DGKZ: variants seen among roughly 807,000 people sequenced by gnomAD.
The protein encoded by DGKZ is DAG kinase zeta.
Under a neutral mutation model 142.5 loss-of-function variants are expected in DGKZ, and 45 were observed. The observed-to-expected ratio is 0.32, with a 90% confidence interval of 0.25 to 0.40. DGKZ has a LOEUF of 0.40. Among genes scored for constraint, DGKZ ranks in the 10% least tolerant of loss-of-function variants. DGKZ has a pLI of 1.00. For synonymous variants in DGKZ, 442 were observed against 527.0 expected (o/e 0.84, Z 2.21); for missense variants, 755 against 1,306.5 (o/e 0.58, Z 6.51).
At position 46,367,895 on chromosome 11, in the gene DGKZ, C is replaced by T. The variant is rs752993449; in HGVS notation, c.367-107C>T. ...GGGTGCAGGGGCTTTGTCCGGATGC[C>T]AGGACTGGGGCTTCCCAGTGCACAC... On this transcript the variant is annotated intron_variant, in intron 3 of 30. Coordinates refer to ENST00000527911, the Ensembl canonical transcript of DGKZ. The surrounding 1 kb of genome is among the most constrained non-coding windows in gnomAD (Gnocchi z 4.1). 2 of 1,522,590 alleles carry T rather than the reference C, an allele frequency of 1.3e-6. No homozygotes were observed. Among genetic ancestry groups the T allele is most frequent in the South Asian group, 1.1e-5 (1 of 88,824 alleles). 94.3% of individuals were successfully genotyped at this position (1,522,590 alleles called of 1,614,324 possible).
chr11:46,352,731 G>T (rs868386679), intron 1 of DGKZ, among the ~76,000 whole-genome samples: 1 of 152,208 alleles, frequency 6.6e-6, no homozygotes, highest in African/African-American at 2.4e-5. Context: ...CCACACCTGC[G>T]GCCAGGTTCT....
At chr11:46,346,858 T>C (rs1256922083), upstream of DGKZ, among the ~76,000 whole-genome samples, 1 of 152,182 alleles carries the variant, frequency 6.6e-6, no homozygotes, top group African/African-American at 2.4e-5. Context: ...AGGATGACTT[T>C]GTAGGAGAAA....
At chr11:46,357,329 A>C (rs1490247707) in intron 1 of DGKZ, among the ~76,000 whole-genome samples, 2 of 152,090 alleles carry the variant, frequency 1.3e-5, no homozygotes, top group Admixed American at 6.6e-5. Flanking sequence ...TTTCATGAGA[A>C]AGCCATGGAG....
upstream of DGKZ, among the ~76,000 whole-genome samples, chr11:46,344,850 A>G (rs1414312263): frequency 6.6e-6 from 1 of 152,110 alleles, no homozygotes; most frequent in Non-Finnish European, 1.5e-5. Flanking sequence ...CCTTGTCCCA[A>G]AAGTTATTTA....
intron 30 of DGKZ, 125 bp downstream of exon 30, chr11:46,379,693 C>A: frequency 7.9e-7 from 1 of 1,272,246 alleles, no homozygotes; most frequent in Non-Finnish European, 1.1e-6. Flanking sequence ...GAAACCTGAG[C>A]CAGCAGGGGA....
upstream of DGKZ, among the ~76,000 whole-genome samples, chr11:46,342,876 G>A (rs1338894617): frequency 1.3e-5 from 2 of 152,042 alleles, no homozygotes; most frequent in African/African-American, 4.8e-5. Context: ...GTAATCCCAG[G>A]ACTTTGGGAG....
chr11:46,376,242 C>T, intron 22 of DGKZ, 86 bp from the exon 23 acceptor site: 2 of 1,605,918 alleles, frequency 1.2e-6, no homozygotes, highest in Non-Finnish European at 1.7e-6. Context: ...TGCGGAGCCT[C>T]CTCTGTGCTG....
intron 5 of DGKZ, 171 bp from the exon 6 acceptor site, chr11:46,369,770 T>C (rs928677317): frequency 2.2e-6 from 2 of 895,392 alleles, no homozygotes; most frequent in Non-Finnish European, 3.5e-6. Flanking sequence ...TCTGTCCCTC[T>C]GAGTCTGAGC....
chr11:46,353,252 G>A (rs1488915915), intron 1 of DGKZ, among the ~76,000 whole-genome samples: 1 of 152,208 alleles, frequency 6.6e-6, no homozygotes, highest in East Asian at 1.9e-4. Context: ...TCACACTGGA[G>A]CCCAGCCCAA....
At chr11:46,379,541 G>C (rs758839677) in exon 30 of DGKZ, 2 of 1,611,032 alleles carry the variant, frequency 1.2e-6, no homozygotes, top group South Asian at 1.1e-5. Context: ...TGGAGGCCGG[G>C]GCCTCGCTCA....
Position 46,347,935 on chromosome 11 carries a change from C to A in DGKZ, c.161+115C>A, listed in dbSNP as rs1940866539. 8.1e-7 allele frequency: 1 copy of A among 1,229,966 alleles called. No homozygotes were observed. The allele number at this position is 1,229,966 out of a possible 1,614,324, so 76.2% of individuals were successfully genotyped here. A position where few individuals can be genotyped will look rare whatever the true frequency, so the allele number is the denominator to read the frequency against. ...GGCCACTTCGGTACTGACACTGAGT[C>A]GGGGAGAGGCTGGCACCGGCGGCAC... On this transcript the variant is annotated intron_variant, in intron 1 of 30. Transcript: ENST00000527911. The surrounding 1 kb of genome is among the most constrained non-coding windows in gnomAD (Gnocchi z 6.4).
At chr11:46,345,457 A>C, upstream of DGKZ, 1 of 1,481,660 alleles carries the variant, frequency 6.7e-7, no homozygotes, top group Non-Finnish European at 8.9e-7. The surrounding 1 kb of genome is among the most constrained non-coding windows in gnomAD (Gnocchi z 4.1). Context: ...GCTGCAATGA[A>C]TCCTCAGCTC....
exon 28 of DGKZ, chr11:46,379,006 C>G (rs1316022106): frequency 1.3e-6 from 2 of 1,571,528 alleles, no homozygotes; most frequent in African/African-American, 1.4e-5. Flanking sequence ...GGAGCTGCAC[C>G]GAGCTGGGGG....
rs558286730 is a variant in DGKZ, at chr11:46,370,018, C to T, written c.570+9C>T. The T allele has an allele frequency of 1.5e-5, 24 of 1,613,574 alleles. No individual in the cohort carries two copies. Among genetic ancestry groups the T allele is most frequent in the Admixed American group, 8.3e-5 (5 of 60,030 alleles). On this transcript the variant is annotated intron_variant, in intron 6 of 30. Coordinates refer to ENST00000527911, the Ensembl canonical transcript of DGKZ. ...GTCGGCACTGTGGGAAGGTGAGAGG[C>T]CCTGCCCGAGGACATCGCCACCTGC... is the stretch of plus-strand genomic sequence containing the variant.
rs116865729 is a variant in DGKZ at position 46,357,192 on chromosome 11, C to T, written c.161+9372C>T. On this transcript the variant is annotated intron_variant, in intron 1 of 30. Transcript: ENST00000527911. ...GTGAAAGAAGAGACTGGGGGTATTT[C>T]ACCAAGGAGCTCAGGCCAGCTTAGG... is the stretch of plus-strand genomic sequence containing the variant. 3.0e-4 allele frequency among the ~76,000 whole-genome samples: 46 copies of T among 152,272 alleles called. No individual in the cohort carries two copies. The East Asian group carries it at 8.1e-3, about 27-fold the overall frequency.
chr11:46,338,981 G>A (rs779365816), intron 1 of DGKZ: 5 of 152,270 alleles, frequency 3.3e-5, no homozygotes, highest in South Asian at 2.1e-4. Context: ...GGCTGGCCCC[G>A]AGCCACAGAT....
At chr11:46,374,367 C>G in intron 15 of DGKZ, 32 bp from the exon 16 acceptor site, 1 of 1,613,988 alleles carries the variant, frequency 6.2e-7, no homozygotes, top group Non-Finnish European at 8.5e-7. Context: ...GCTGGGGTGA[C>G]TCACTGGCCC....
intron 1 of DGKZ, among the ~76,000 whole-genome samples, chr11:46,352,653 C>G (rs1012642561): frequency 6.6e-6 from 1 of 152,358 alleles, no homozygotes; most frequent in Non-Finnish European, 1.5e-5. Context: ...TCCCTGCCCC[C>G]TCTGCCTCCT....
At chr11:46,378,335 T>C in intron 26 of DGKZ, 106 bp downstream of exon 26, 1 of 1,540,716 alleles carries the variant, frequency 6.5e-7, no homozygotes, top group Non-Finnish European at 8.8e-7. Context: ...ACACAGCCTT[T>C]GAGCTTCACG....
Sources: allele counts gnomAD v4.1 joint callset (sites outside exome capture counted in the v4.1 genomes callset), GRCh38; gene constraint gnomAD v4.1.1; non-coding constraint Gnocchi (gnomAD v3.1); transcripts MANE v1.5; gene names NCBI Gene and HGNC (gene_info 2026-07-23, HGNC 2026-07-21).